Variants in GULP1 observed in about 807,000 individuals in gnomAD.
The protein encoded by GULP1 is GULP PTB domain containing engulfment adaptor 1.
GULP1 carries 19 observed loss-of-function variants against 40.9 expected under a neutral mutation model. The observed-to-expected ratio is 0.46, with a 90% confidence interval of 0.32 to 0.68. GULP1 has a LOEUF of 0.68. Among genes scored for constraint, GULP1 ranks in the 30% least tolerant of loss-of-function variants. The pLI is 0.03. For synonymous variants in GULP1, 119 were observed against 117.6 expected, an observed-to-expected ratio of 1.01 and a Z score of -0.08; for missense variants, 312 against 362.2, an observed-to-expected ratio of 0.86 and a Z score of 1.12.
At chr2:188,327,916 C>G (rs928144745) in intron 1 of GULP1, among the ~76,000 whole-genome samples, 2 of 152,080 alleles carry the variant, frequency 1.3e-5, no homozygotes, top group African/African-American at 4.8e-5. Flanking sequence ...TTCTGCTGTT[C>G]TGGTAAAGAA....
intron 2 of GULP1, among the ~76,000 whole-genome samples, chr2:188,388,678 G>A (rs1308505335): frequency 6.6e-6 from 1 of 152,148 alleles, no homozygotes; most frequent in African/African-American, 2.4e-5. Flanking sequence ...ATCACTATTT[G>A]CTGAACCCTT....
In GULP1 at chr2:188,396,245, T is replaced by C. The variant is rs140717798; in HGVS notation, c.-45+12356T>C. ...ATAGAACTGCCAAAATTTCTGTCTT[T>C]CATGTTAAGCTACCAGAACAGCCGG... On this transcript the variant is annotated intron_variant, in intron 2 of 11. Coordinates refer to ENST00000409830, the MANE Select transcript of GULP1 (RefSeq NM_016315.4). Among the ~76,000 whole-genome samples, 1,051 of 152,318 alleles carry C rather than the reference T, an allele frequency of 6.9e-3. 10 individuals are homozygous for C. The highest frequency in any genetic ancestry group is 0.013 in the Non-Finnish European group (860 of 68,030).
chr2:188,293,282 T>G (rs1325907945), intron 1 of GULP1: 1 of 152,222 alleles, frequency 6.6e-6, no homozygotes, highest in Non-Finnish European at 1.5e-5. Flanking sequence ...TTACATGCAC[T>G]ATTTCAATCT....
At chr2:188,299,284 GGTT>G (rs2035677358) in intron 1 of GULP1, among the ~76,000 whole-genome samples, 1 of 151,968 alleles carries the variant, frequency 6.6e-6, no homozygotes. Flanking sequence ...GCTAGGAGGG[GGTT>G]GTTTACTAAA....
chr2:188,530,948 A>T (rs532039447), intron 6 of GULP1, among the ~76,000 whole-genome samples: 1 of 152,244 alleles, frequency 6.6e-6, no homozygotes, highest in Non-Finnish European at 1.5e-5. Flanking sequence ...AAATTAATTC[A>T]GTATAAAAGC....
At chr2:188,520,261 G>T (rs2065602684) in intron 4 of GULP1, among the ~76,000 whole-genome samples, 1 of 152,092 alleles carries the variant, frequency 6.6e-6, no homozygotes, top group Non-Finnish European at 1.5e-5. Context: ...CTATTGGCCG[G>T]GCGTGGTGGC....
At chr2:188,458,611 T>C (rs2059458185) in intron 2 of GULP1, among the ~76,000 whole-genome samples, 1 of 152,172 alleles carries the variant, frequency 6.6e-6, no homozygotes, top group African/African-American at 2.4e-5. Context: ...AGACATGCAA[T>C]GCATAATAAT....
At chr2:188,316,888 T>C (rs1198093271) in intron 1 of GULP1, among the ~76,000 whole-genome samples, 1 of 152,130 alleles carries the variant, frequency 6.6e-6, no homozygotes, top group African/African-American at 2.4e-5. Context: ...AAATATTTGA[T>C]GAGTGAATGA....
intron 1 of GULP1, among the ~76,000 whole-genome samples, chr2:188,349,765 A>G (rs1057178818): frequency 6.6e-6 from 1 of 152,120 alleles, no homozygotes; most frequent in Non-Finnish European, 1.5e-5. Context: ...TTGATTTCAT[A>G]TGTGGGAAAC....
At chr2:188,491,021 C>T (rs2062329262) in intron 4 of GULP1, among the ~76,000 whole-genome samples, 1 of 151,996 alleles carries the variant, frequency 6.6e-6, no homozygotes, top group Non-Finnish European at 1.5e-5. Context: ...TGGTCTTGAA[C>T]TCCTGAGCTC....
At chr2:188,583,155 G>A (rs913092005) in intron 9 of GULP1, among the ~76,000 whole-genome samples, 3 of 152,090 alleles carry the variant, frequency 2.0e-5, no homozygotes, top group Non-Finnish European at 4.4e-5. Context: ...AACAGTAAAG[G>A]GGTGAGGGGA....
At chr2:188,478,166 GTAGA>G (rs1274188623) in intron 3 of GULP1, among the ~76,000 whole-genome samples, 1 of 151,984 alleles carries the variant, frequency 6.6e-6, no homozygotes, top group Admixed American at 6.6e-5. Flanking sequence ...AGGATTGGTA[GTAGA>G]TAGATTGAAA....
chr2:188,561,114 T>G (rs902942877), intron 7 of GULP1, among the ~76,000 whole-genome samples: 6 of 152,330 alleles, frequency 3.9e-5, no homozygotes, highest in Middle Eastern at 6.8e-3. Flanking sequence ...GGTGGATTTG[T>G]GCTGGGGACT....
intron 7 of GULP1, among the ~76,000 whole-genome samples, chr2:188,560,636 C>A (rs556432919): frequency 6.6e-6 from 1 of 152,154 alleles, no homozygotes; most frequent in African/African-American, 2.4e-5. Flanking sequence ...ATACCTAAGA[C>A]TGGGTAATTT....
chr2:188,467,619 C>T (rs1389110754), intron 2 of GULP1, among the ~76,000 whole-genome samples: 2 of 152,034 alleles, frequency 1.3e-5, no homozygotes, highest in African/African-American at 4.8e-5. Flanking sequence ...GGCCATTTAT[C>T]ATTGCTTTAA....
intron 2 of GULP1, among the ~76,000 whole-genome samples, chr2:188,409,901 G>A (rs1047248507): frequency 4.6e-5 from 7 of 152,104 alleles, no homozygotes; most frequent in Non-Finnish European, 7.4e-5. Context: ...AAGCAATCTA[G>A]AGCAAAATGA....
At chr2:188,566,929 A>G (rs1345243811) in intron 7 of GULP1, among the ~76,000 whole-genome samples, 2 of 152,032 alleles carry the variant, frequency 1.3e-5, no homozygotes, top group African/African-American at 4.8e-5. Context: ...ACTTAAACTT[A>G]TTTATAAGAA....
At chr2:188,334,175 G>T (rs1188099883) in intron 1 of GULP1, among the ~76,000 whole-genome samples, 1 of 152,150 alleles carries the variant, frequency 6.6e-6, no homozygotes, top group Non-Finnish European at 1.5e-5. Context: ...AGAATTACAT[G>T]CTCTTTTGCC....
intron 2 of GULP1, among the ~76,000 whole-genome samples, chr2:188,423,044 A>G (rs936407361): frequency 1.3e-5 from 2 of 152,076 alleles, no homozygotes; most frequent in Non-Finnish European, 2.9e-5. Context: ...TCAAGAGTCA[A>G]CTAAATTTGG....
Sources: allele counts gnomAD v4.1 joint callset (sites outside exome capture counted in the v4.1 genomes callset), GRCh38; gene constraint gnomAD v4.1.1; transcripts MANE v1.5; gene names NCBI Gene and HGNC (gene_info 2026-07-23, HGNC 2026-07-21).